TAF12: variants seen among roughly 807,000 people sequenced by gnomAD.
The protein encoded by TAF12 is TATA-box binding protein associated factor 12.
A neutral mutation model predicts 20.8 loss-of-function variants in TAF12; 3 were observed. The observed-to-expected ratio is 0.14, with a 90% CI of 0.07 to 0.37. The LOEUF (loss-of-function observed/expected upper bound fraction) is 0.37, where lower values mean the gene tolerates loss of function less well. Among genes scored for constraint, TAF12 ranks in the 10% least tolerant of loss-of-function variants. TAF12 has a pLI of 1.00. For missense variants in TAF12, 131 were observed against 197.9 expected (o/e 0.66, Z 2.03); for synonymous variants, 69 against 70.2 (o/e 0.98, Z 0.09).
At chr1:28,647,720 A>G (rs1557480650), upstream of TAF12, among the ~76,000 whole-genome samples, 1 of 152,098 alleles carries the variant, frequency 6.6e-6, no homozygotes. Context: ...TAAAAATACA[A>G]AAAATTAGCC....
At chr1:28,628,994 T>A (rs1171870402) in intron 1 of TAF12, among the ~76,000 whole-genome samples, 1 of 152,156 alleles carries the variant, frequency 6.6e-6, no homozygotes, top group Non-Finnish European at 1.5e-5. Context: ...ATCGCTTGCA[T>A]GGAGAGGCAG....
At chr1:28,631,430 CAGG>C (rs1004593655) in intron 1 of TAF12, among the ~76,000 whole-genome samples, 13 of 151,852 alleles carry the variant, frequency 8.6e-5, no homozygotes, top group Non-Finnish European at 1.6e-4. Context: ...GAAGCTGAGG[CAGG>C]AGAATCACCG....
At chr1:28,630,415 G>A (rs1400084531) in intron 1 of TAF12, among the ~76,000 whole-genome samples, 2 of 152,106 alleles carry the variant, frequency 1.3e-5, no homozygotes, top group Admixed American at 6.6e-5. Flanking sequence ...TTAGCTGGGC[G>A]TGGTGGCGTG....
chr1:28,604,567 G>A (rs1399066353), intron 5 of TAF12, among the ~76,000 whole-genome samples: 1 of 152,174 alleles, frequency 6.6e-6, no homozygotes, highest in Non-Finnish European at 1.5e-5. Context: ...TGTTTGCAGG[G>A]ACTCTCTTCT....
At chr1:28,628,484 A>G (rs1356813562) in intron 1 of TAF12, among the ~76,000 whole-genome samples, 1 of 152,126 alleles carries the variant, frequency 6.6e-6, no homozygotes, top group East Asian at 1.9e-4. Flanking sequence ...GCCTATGGCC[A>G]GGGCATGTAG....
chr1:28,643,964 T>G (rs1477469874), upstream of TAF12, among the ~76,000 whole-genome samples: 1 of 151,134 alleles, frequency 6.6e-6, no homozygotes, highest in Non-Finnish European at 1.5e-5. Flanking sequence ...CGCAGAGAAC[T>G]GCTTAAACCT....
intron 1 of TAF12, among the ~76,000 whole-genome samples, chr1:28,632,017 C>T (rs1302216135): frequency 1.3e-5 from 2 of 152,194 alleles, no homozygotes; most frequent in Non-Finnish European, 2.9e-5. Flanking sequence ...TACATTCACA[C>T]AAAAATCTGT....
At chr1:28,621,674 A>C (rs1050130342) in intron 2 of TAF12, among the ~76,000 whole-genome samples, 1 of 152,198 alleles carries the variant, frequency 6.6e-6, no homozygotes, top group African/African-American at 2.4e-5. Context: ...TTCCCAGAGG[A>C]GTATACATTC....
intron 1 of TAF12, among the ~76,000 whole-genome samples, chr1:28,628,153 A>G (rs1667482838): frequency 6.8e-6 from 1 of 147,076 alleles, no homozygotes; most frequent in Non-Finnish European, 1.5e-5. Context: ...TGAGCTCGAG[A>G]CCAGCCTGGT....
chr1:28,623,378 G>A (rs1281290496), intron 1 of TAF12, among the ~76,000 whole-genome samples: 11 of 151,914 alleles, frequency 7.2e-5, no homozygotes, highest in Non-Finnish European at 1.3e-4. Context: ...AAAATTAGCC[G>A]GGCGTGGTGA....
intron 4 of TAF12, among the ~76,000 whole-genome samples, 196 bp downstream of exon 4, chr1:28,613,051 C>T (rs916431133): frequency 6.6e-6 from 1 of 152,224 alleles, no homozygotes; most frequent in Admixed American, 6.5e-5. Flanking sequence ...AATCTGGTTT[C>T]AAACCCATGC....
At chr1:28,644,351 C>T (rs540563216), upstream of TAF12, among the ~76,000 whole-genome samples, 2 of 152,236 alleles carry the variant, frequency 1.3e-5, no homozygotes, top group Non-Finnish European at 2.9e-5. Flanking sequence ...GATTCAAGTC[C>T]TCATGAACAT....
intron 3 of TAF12, among the ~76,000 whole-genome samples, chr1:28,616,611 A>C (rs1177506874): frequency 6.6e-6 from 1 of 150,972 alleles, no homozygotes; most frequent in Admixed American, 6.6e-5. Flanking sequence ...GCACATGCCT[A>C]TAATCCCAGC....
At chr1:28,620,822 A>G (rs1222761994) in intron 2 of TAF12, among the ~76,000 whole-genome samples, 1 of 152,054 alleles carries the variant, frequency 6.6e-6, no homozygotes, top group Non-Finnish European at 1.5e-5. Context: ...TCTAAAAAAA[A>G]TGAATAAATA....
chr1:28,603,598 G>A, intron 5 of TAF12, 24 bp from the exon 6 acceptor site: 1 of 1,613,476 alleles, frequency 6.2e-7, no homozygotes, highest in South Asian at 1.1e-5. Flanking sequence ...CAAATAAGCA[G>A]TTATACAGCA....
At chr1:28,606,380 C>T (rs566344568) in intron 4 of TAF12, among the ~76,000 whole-genome samples, 2 of 151,254 alleles carry the variant, frequency 1.3e-5, no homozygotes, top group Non-Finnish European at 3.0e-5. Context: ...CTCAGGTGAT[C>T]TGCCTGCCTC....
At chr1:28,626,269 C>A (rs900310514) in intron 1 of TAF12, among the ~76,000 whole-genome samples, 1 of 151,906 alleles carries the variant, frequency 6.6e-6, no homozygotes, top group African/African-American at 2.4e-5. Flanking sequence ...TGAACCACCG[C>A]GCCCGGCCTC....
intron 1 of TAF12, among the ~76,000 whole-genome samples, chr1:28,638,989 G>A (rs993826595): frequency 6.6e-5 from 10 of 150,780 alleles, no homozygotes; most frequent in South Asian, 2.1e-4. Flanking sequence ...GGGTTTCACC[G>A]TGGTCTCGAT....
chr1:28,614,160 C>A (rs776906743), intron 3 of TAF12, among the ~76,000 whole-genome samples: 1 of 152,064 alleles, frequency 6.6e-6, no homozygotes, highest in Non-Finnish European at 1.5e-5. Context: ...ATTACCTGAA[C>A]CTGGGAGGCG....
Sources: allele counts gnomAD v4.1 joint callset (sites outside exome capture counted in the v4.1 genomes callset), GRCh38; gene constraint gnomAD v4.1.1; transcripts MANE v1.5; gene names NCBI Gene and HGNC (gene_info 2026-07-23, HGNC 2026-07-21).